Variants in PDE1C observed in about 807,000 individuals in gnomAD.
PDE1C encodes the protein dual specificity calcium/calmodulin-dependent 3',5'-cyclic nucleotide phosphodiesterase 1C.
In PDE1C, 62 loss-of-function variants were observed where a neutral mutation model predicts 93.1. The ratio of observed to expected loss-of-function variants is 0.67; its 90% CI spans 0.54 to 0.82. The LOEUF (loss-of-function observed/expected upper bound fraction) is 0.82. Ranked by LOEUF, PDE1C falls within the 40% of genes least tolerant of loss-of-function variation. PDE1C has a pLI of 0.00. For synonymous variants in PDE1C, 325 were observed against 310.1 expected (o/e 1.05, Z -0.50); for missense variants, 742 against 884.6 (o/e 0.84, Z 2.04).
At chr7:31,732,037 C>T in the PDE1C span, among the ~76,000 whole-genome samples, 15,822 of 152,244 alleles carry the variant, frequency 0.1, 957 homozygotes, top group East Asian at 0.23. Flanking sequence ...GACGCCTGCA[C>T]GCAGATGCTC....
chr7:31,905,566 A>G lies in PDE1C; in HGVS notation c.129-24706T>C, dbSNP rs187170707. On this transcript the variant is annotated intron_variant, in intron 2 of 17. Coordinates refer to ENST00000396191, the MANE Select transcript of PDE1C (RefSeq NM_001191057.4). ...TACAATTTAATGTGCACAAATTTTT[A>G]TCTTCTTTTAAAGCCCCTGTGGTCA... is the stretch of plus-strand genomic sequence containing the variant. Among the ~76,000 whole-genome samples the G allele has an allele frequency of 2.1e-4, 32 of 152,294 alleles. 1 individual carries two copies. Among genetic ancestry groups the G allele is most frequent in the Admixed American group, 7.2e-4 (11 of 15,290 alleles).
At chr7:32,303,424 GA>G (rs1487487630), upstream of PDE1C, among the ~76,000 whole-genome samples, 2 of 152,180 alleles carry the variant, frequency 1.3e-5, no homozygotes, top group East Asian at 3.8e-4. Context: ...ATTTTTACAG[GA>G]AGAGTAAGTC....
intron 2 of PDE1C, among the ~76,000 whole-genome samples, chr7:32,180,942 A>G (rs1233682228): frequency 6.6e-6 from 1 of 152,226 alleles, no homozygotes; most frequent in Non-Finnish European, 1.5e-5. Context: ...TGTAGGAAAT[A>G]ATTCAACAGA....
At chr7:31,724,316 C>A in the PDE1C span, among the ~76,000 whole-genome samples, 107 of 152,320 alleles carry the variant, frequency 7.0e-4, no homozygotes, top group South Asian at 1.2e-3. Context: ...TCCTACCCAT[C>A]ACCTTGCACA....
chr7:32,333,788 T>A (rs943972100), intron 1 of PDE1C, among the ~76,000 whole-genome samples: 1 of 152,218 alleles, frequency 6.6e-6, no homozygotes, highest in African/African-American at 2.4e-5. Context: ...TGCTAGACGG[T>A]TGCAGCAATG....
At chr7:32,016,938 G>T (rs1453878619) in intron 2 of PDE1C, among the ~76,000 whole-genome samples, 1 of 152,156 alleles carries the variant, frequency 6.6e-6, no homozygotes, top group Non-Finnish European at 1.5e-5. Flanking sequence ...AGATTCTATA[G>T]TCAGGTTGCC....
intron 1 of PDE1C, among the ~76,000 whole-genome samples, chr7:32,263,702 CA>C (rs1810381759): frequency 6.6e-6 from 1 of 152,154 alleles, no homozygotes; most frequent in Admixed American, 6.5e-5. Context: ...GCATTTCCAA[CA>C]GCCTATTCTT....
At position 31,908,564 on chromosome 7, in the gene PDE1C, C is replaced by T. The variant is rs1330613904; in HGVS notation, c.129-27704G>A. On this transcript the variant is annotated intron_variant, in intron 2 of 17. Coordinates refer to ENST00000396191, the MANE Select transcript of PDE1C (RefSeq NM_001191057.4). ...AGATGGAAAGTCAAGTCCATGACCT[C>T]CAGGAATACATATTCTGACTTTGCA... 4.6e-5 allele frequency among the ~76,000 whole-genome samples: 7 copies of T among 152,126 alleles called. No individual in the cohort carries two copies. In the East Asian group the frequency reaches 1.3e-3, roughly 29 times the overall value.
At chr7:32,065,172 A>G (rs1039866666) in intron 1 of PDE1C, among the ~76,000 whole-genome samples, 2 of 152,150 alleles carry the variant, frequency 1.3e-5, no homozygotes, top group South Asian at 2.1e-4. Flanking sequence ...GGAATTCTCA[A>G]TGAGTGGTGA....
intron 2 of PDE1C, among the ~76,000 whole-genome samples, chr7:32,048,394 A>T (rs1000599010): frequency 1.3e-5 from 2 of 152,138 alleles, no homozygotes; most frequent in African/African-American, 2.4e-5. Context: ...GTCTCTTAGA[A>T]CATTTGACCT....
the PDE1C span, among the ~76,000 whole-genome samples, chr7:31,676,290 T>C: frequency 1.3e-5 from 2 of 152,026 alleles, no homozygotes; most frequent in Non-Finnish European, 1.5e-5. Context: ...ACATGGAACA[T>C]TCAGGAAAAT....
intron 3 of PDE1C, among the ~76,000 whole-genome samples, chr7:32,082,694 C>A (rs1220745914): frequency 6.6e-6 from 1 of 152,188 alleles, no homozygotes; most frequent in East Asian, 1.9e-4. Flanking sequence ...TCGCGGTTCA[C>A]CAAAATCCAC....
intron 1 of PDE1C, among the ~76,000 whole-genome samples, chr7:32,371,443 A>G (rs1784331915): frequency 1.3e-5 from 2 of 152,166 alleles, no homozygotes; most frequent in South Asian, 4.1e-4. Context: ...CAGGTAATTA[A>G]GTACTGTACC....
intron 1 of PDE1C, among the ~76,000 whole-genome samples, chr7:32,311,844 C>T (rs1251223968): frequency 2.6e-5 from 4 of 152,206 alleles, no homozygotes; most frequent in Non-Finnish European, 4.4e-5. Flanking sequence ...AAAACTGGCA[C>T]AAGACAGGCA....
intron 15 of PDE1C, 115 bp from the exon 16 acceptor site, chr7:31,809,223 G>A: frequency 1.6e-6 from 1 of 627,670 alleles, no homozygotes; most frequent in South Asian, 1.9e-5. Context: ...AGTCATAAGA[G>A]TGTATGTGTC....
At chr7:32,387,498 G>A (rs1485707797) in intron 1 of PDE1C, among the ~76,000 whole-genome samples, 2 of 144,288 alleles carry the variant, frequency 1.4e-5, no homozygotes, top group African/African-American at 5.3e-5. Context: ...CTGGCCGGGC[G>A]GGGGGCTGAC....
At chr7:32,217,303 G>A (rs1040656396) in intron 1 of PDE1C, among the ~76,000 whole-genome samples, 2 of 152,202 alleles carry the variant, frequency 1.3e-5, no homozygotes, top group African/African-American at 4.8e-5. Flanking sequence ...CAAGAGATTA[G>A]GTAGCTTGTC....
At chr7:32,087,669 C>T (rs1797188891) in intron 3 of PDE1C, among the ~76,000 whole-genome samples, 1 of 152,000 alleles carries the variant, frequency 6.6e-6, no homozygotes, top group Non-Finnish European at 1.5e-5. Context: ...TACTATGCAG[C>T]CATAAAAAAG....
intron 1 of PDE1C, among the ~76,000 whole-genome samples, chr7:32,391,842 G>T (rs1784756355): frequency 6.6e-6 from 1 of 151,884 alleles, no homozygotes; most frequent in South Asian, 2.1e-4. Flanking sequence ...ACAAAGCAAT[G>T]CTTAGAGGAA....
Sources: allele counts gnomAD v4.1 joint callset (sites outside exome capture counted in the v4.1 genomes callset), GRCh38; gene constraint gnomAD v4.1.1; transcripts MANE v1.5; gene names NCBI Gene and HGNC (gene_info 2026-07-23, HGNC 2026-07-21).